The following RMI1 variants were observed in gnomAD, a reference collection of about 807,000 sequenced individuals.
RMI1 encodes RecQ mediated genome instability 1.
Under a neutral mutation model 46.7 loss-of-function variants are expected in RMI1, and 36 were observed. That is an observed-to-expected ratio of 0.77 (90% confidence interval 0.59 to 1.02). The LOEUF (loss-of-function observed/expected upper bound fraction) is 1.02, where lower values mean the gene tolerates loss of function less well. Ranked by LOEUF, RMI1 falls within the 50% of genes least tolerant of loss-of-function variation. RMI1 has a pLI of 0.00. For synonymous variants in RMI1, 250 were observed against 252.9 expected, an observed-to-expected ratio of 0.99 and a Z score of 0.11; for missense variants, 676 against 713.7, an observed-to-expected ratio of 0.95 and a Z score of 0.60.
At chr9:83,998,825 CA>C (rs1331047529) in intron 1 of RMI1, among the ~76,000 whole-genome samples, 1 of 152,018 alleles carries the variant, frequency 6.6e-6, no homozygotes, top group Non-Finnish European at 1.5e-5. Context: ...AGAACTTATC[CA>C]ATGTAGGAAT....
Position 84,001,048 on chromosome 9 carries a change from A to C in RMI1, c.62A>C (p.Lys21Thr). ...TGGCTTTTAGCTGCATGGCATGTTA[A>C]AGTACCTCCGATGTGGCTGGAAGCT... Reference protein sequence around the residue: ...ETWLLAAWHVKVPPMWLEACI... With the variant: ...ETWLLAAWHVTVPPMWLEACI... The change falls in exon 3 of 3, where the codon AAA becomes ACA. Residue 21 changes from lysine to threonine, a missense_variant. Lys to Thr is a moderately conservative substitution (Grantham distance 78). Transcript: ENST00000445877. 2 of 1,613,976 alleles carry C rather than the reference A, an allele frequency of 1.2e-6. No individual in the cohort carries two copies. Among genetic ancestry groups the C allele is most frequent in the East Asian group, 2.2e-5 (1 of 44,884 alleles).
chr9:83,986,683 T>C (rs1957495285), intron 1 of RMI1, among the ~76,000 whole-genome samples: 1 of 152,230 alleles, frequency 6.6e-6, no homozygotes, highest in African/African-American at 2.4e-5. Flanking sequence ...TCTTACAAAA[T>C]AGGTTTTAAT....
At position 84,001,309 on chromosome 9, in the gene RMI1, G is replaced by C. The variant is rs1477295632; in HGVS notation, c.323G>C (p.Gly108Ala). 6.2e-7 allele frequency: 1 copy of C among 1,613,992 alleles called. No individual in the cohort carries two copies. Among genetic ancestry groups the C allele is most frequent in the African/African-American group, 1.3e-5 (1 of 74,924 alleles). The change falls in exon 3 of 3, where the codon GGA (glycine) becomes GCA (alanine). Residue 108 changes from glycine to alanine, a missense_variant. Gly to Ala is a moderately conservative substitution (Grantham distance 60, BLOSUM62 0). Coordinates refer to ENST00000445877, the MANE Select transcript of RMI1 (RefSeq NM_001358291.2). Reference protein sequence around the residue: ...PAYSQIQKLRGKNTTNDLVTA... With the variant: ...PAYSQIQKLRAKNTTNDLVTA... ...TACTCCCAGATACAGAAGTTGAGAG[G>C]AAAGAATACAACAAATGATCTAGTT...
intron 1 of RMI1, among the ~76,000 whole-genome samples, chr9:83,990,864 A>G (rs1420037609): frequency 6.6e-6 from 1 of 151,422 alleles, no homozygotes; most frequent in Non-Finnish European, 1.5e-5. Context: ...CTGGAGTGCA[A>G]TGGTACGATC....
chr9:84,003,372 G>A lies in RMI1; in HGVS notation c.*508G>A, dbSNP rs544758422. 16 of 167,126 alleles carry A rather than the reference G, an allele frequency of 9.6e-5. No individual in the cohort carries two copies. The highest frequency in any genetic ancestry group is 3.9e-4 in the African/African-American group (16 of 41,548). 10.4% of individuals were successfully genotyped at this position (167,126 alleles called of 1,614,324 possible). On this transcript the variant is annotated 3_prime_UTR_variant, in exon 3 of 3. Coordinates refer to ENST00000445877, the MANE Select transcript of RMI1 (RefSeq NM_001358291.2). ...GAATATGGTGACCCACTATTGTTGA[G>A]AAATTTGTTTTCCACTTGTCACGTC...
intron 1 of RMI1, among the ~76,000 whole-genome samples, chr9:83,986,232 G>C (rs1957488834): frequency 6.6e-6 from 1 of 152,168 alleles, no homozygotes; most frequent in Non-Finnish European, 1.5e-5. Flanking sequence ...AGTAGGTGTA[G>C]GTGATATTTT....
chr9:83,998,433 A>G (rs1053451128), intron 1 of RMI1, among the ~76,000 whole-genome samples: 1 of 152,158 alleles, frequency 6.6e-6, no homozygotes, highest in African/African-American at 2.4e-5. Flanking sequence ...CTTTTATGGG[A>G]CATTTAAAAA....
At chr9:83,980,770 C>G (rs988097978), upstream of RMI1, 2 of 152,344 alleles carry the variant, frequency 1.3e-5, no homozygotes, top group African/African-American at 4.8e-5. Flanking sequence ...GGGGCGCGAG[C>G]GCGCGGCAAA....
chr9:84,002,528 T>C lies in RMI1; in HGVS notation c.1542T>C (p.Ile514=), dbSNP rs1279675613. The change falls in exon 3 of 3, where the codon ATT becomes ATC. Residue 514 remains isoleucine (I), a synonymous_variant. Transcript: ENST00000445877. The part of the protein sequence containing the change: ...EVTTVKVKAF[I]VTLTGNLSSS... The stretch of plus-strand genomic sequence containing the variant: ...CAACAGTGAAAGTGAAAGCATTTAT[T>C]GTAACCTTAACTGGAAATCTCTCAA... 2 of 1,614,046 alleles carry C rather than the reference T, an allele frequency of 1.2e-6. No homozygotes were observed. Among genetic ancestry groups the C allele is most frequent in the South Asian group, 2.2e-5 (2 of 91,086 alleles).
rs1015379001 is a variant in RMI1 at position 84,002,605 on chromosome 9, A to G, written c.1619A>G (p.Tyr540Cys). Residue 540 changes from tyrosine to cysteine, a missense_variant, in exon 3 of 3, where the codon TAT becomes TGT. Physicochemically the swap from Tyr to Cys is radical, Grantham distance 194. Coordinates refer to ENST00000445877, the MANE Select transcript of RMI1 (RefSeq NM_001358291.2). Reference protein sequence around the residue: ...ITAKVSDGTAYLDVDFVDEIL... With the variant: ...ITAKVSDGTACLDVDFVDEIL... ...GCAAAGGTGTCTGATGGTACTGCATATCTAGATGTAGACTTTGTGGATGAA... is the reference window on the plus strand; with the variant it reads ...GCAAAGGTGTCTGATGGTACTGCATGTCTAGATGTAGACTTTGTGGATGAA... The G allele has an allele frequency of 2.5e-6, 4 of 1,613,958 alleles. No homozygotes were observed. Among genetic ancestry groups the G allele is most frequent in the Admixed American group, 3.3e-5 (2 of 60,018 alleles).
At position 84,002,849 on chromosome 9, in the gene RMI1, G is replaced by A. The variant is rs760692794; in HGVS notation, c.1863G>A (p.Lys621=). Residue 621 remains lysine (K), a synonymous_variant, in exon 3 of 3, where the codon AAG becomes AAA. Transcript: ENST00000445877. The part of the protein sequence containing the change: ...VNMEHLENLK[K]RLNK ...TGGAACACCTTGAGAATCTAAAGAA[G>A]CGGTTAAATAAATAATTAAACTAAA... 5.2e-6 allele frequency: 8 copies of A among 1,523,890 alleles called. No homozygotes were observed. The highest frequency in any genetic ancestry group is 7.1e-6 in the Non-Finnish European group (8 of 1,124,000). The allele number at this position is 1,523,890 out of a possible 1,614,324, so 94.4% of individuals were successfully genotyped here. A position where few individuals can be genotyped will look rare whatever the true frequency, so the allele number is the denominator to read the frequency against.
At chr9:83,991,582 T>C (rs1043573787) in intron 1 of RMI1, among the ~76,000 whole-genome samples, 1 of 152,188 alleles carries the variant, frequency 6.6e-6, no homozygotes, top group Admixed American at 6.5e-5. Flanking sequence ...CCTCCCAAAG[T>C]GCTAGGATTA....
At chr9:84,000,515 C>T (rs1345188428) in intron 2 of RMI1, among the ~76,000 whole-genome samples, 1 of 152,046 alleles carries the variant, frequency 6.6e-6, no homozygotes, top group African/African-American at 2.4e-5. Context: ...TTTCAGACAT[C>T]CACTGGGGGT....
chr9:83,985,934 G>A (rs569043195), intron 1 of RMI1, among the ~76,000 whole-genome samples: 4 of 152,020 alleles, frequency 2.6e-5, no homozygotes, highest in South Asian at 2.1e-4. Flanking sequence ...GCAGGAACCC[G>A]GCAGGCTGAG....
At chr9:83,988,779 A>T (rs1957528099) in intron 1 of RMI1, among the ~76,000 whole-genome samples, 1 of 152,222 alleles carries the variant, frequency 6.6e-6, no homozygotes. Flanking sequence ...GTCTAATAAT[A>T]TTGAACTGTT....
chr9:83,987,470 T>C (rs1450684894), intron 1 of RMI1, among the ~76,000 whole-genome samples: 1 of 152,256 alleles, frequency 6.6e-6, no homozygotes. Context: ...TTTCTATTCT[T>C]TTGGTGTTTA....
intron 1 of RMI1, chr9:83,993,175 GA>G (rs1380654557): frequency 2.0e-5 from 3 of 152,062 alleles, no homozygotes; most frequent in African/African-American, 7.2e-5. Flanking sequence ...CACAACACTT[GA>G]CAAACACCAT....
At chr9:83,996,401 T>C (rs1287508588) in intron 1 of RMI1, among the ~76,000 whole-genome samples, 1 of 152,218 alleles carries the variant, frequency 6.6e-6, no homozygotes, top group Non-Finnish European at 1.5e-5. Context: ...TTTCTGGAGC[T>C]TTGTATCTTT....
intron 1 of RMI1, among the ~76,000 whole-genome samples, chr9:83,987,134 G>GCT (rs1224157542): frequency 6.6e-6 from 1 of 152,030 alleles, no homozygotes; most frequent in Non-Finnish European, 1.5e-5. Flanking sequence ...GAAACCCTTG[G>GCT]CTCACTGCAA....
Sources: gnomAD v4.1 joint callset for allele counts (sites outside exome capture counted in the v4.1 genomes callset) on GRCh38, gnomAD v4.1.1 for gene constraint, MANE v1.5 for transcripts, NCBI Gene and HGNC (gene_info 2026-07-23, HGNC 2026-07-21) for gene names.